Variants in MBTD1 observed in about 807,000 individuals in gnomAD.
MBTD1 encodes the protein MBT domain-containing protein 1.
MBTD1 carries 24 observed loss-of-function variants against 87.8 expected under a neutral mutation model. The ratio of observed to expected loss-of-function variants is 0.27; its 90% CI spans 0.20 to 0.38. MBTD1 has a LOEUF of 0.38. Among genes scored for constraint, MBTD1 ranks in the 10% least tolerant of loss-of-function variants. The pLI is 1.00. For missense variants in MBTD1, 436 were observed against 760.2 expected (o/e 0.57, Z 5.02); for synonymous variants, 237 against 248.6 (o/e 0.95, Z 0.44).
At chr17:51,243,307 GCTCT>G (rs769860640) in intron 2 of MBTD1, among the ~76,000 whole-genome samples, 130 of 148,798 alleles carry the variant, frequency 8.7e-4, no homozygotes, top group Non-Finnish European at 1.5e-3. Context: ...TTTTTTTTAA[GCTCT>G]CTATTTGGAA....
chr17:51,185,857 T>C (rs1464926761), intron 16 of MBTD1: 1 of 152,452 alleles, frequency 6.6e-6, no homozygotes, highest in Non-Finnish European at 1.5e-5. Flanking sequence ...TGTTTTGTCT[T>C]AGTGAAGTGA....
At chr17:51,197,327 C>A (rs1353184721) in intron 12 of MBTD1, among the ~76,000 whole-genome samples, 2 of 151,246 alleles carry the variant, frequency 1.3e-5, no homozygotes, top group Non-Finnish European at 2.9e-5. Context: ...GTCTTAAATT[C>A]CTGGCCTCAA....
intron 2 of MBTD1, among the ~76,000 whole-genome samples, chr17:51,229,257 A>G (rs1349883520): frequency 1.3e-5 from 2 of 152,172 alleles, no homozygotes; most frequent in African/African-American, 2.4e-5. Context: ...AGAATCTTTG[A>G]GATTTGGCAC....
intron 2 of MBTD1, among the ~76,000 whole-genome samples, chr17:51,248,622 G>A (rs905953161): frequency 5.9e-5 from 9 of 152,076 alleles, no homozygotes; most frequent in South Asian, 2.1e-4. Context: ...GCATAAAATC[G>A]TATGCATATT....
At chr17:51,187,459 C>G (rs1598281373) in intron 16 of MBTD1, among the ~76,000 whole-genome samples, 1 of 151,178 alleles carries the variant, frequency 6.6e-6, no homozygotes, top group South Asian at 2.1e-4. Flanking sequence ...CAAATATAAG[C>G]CTTCCAAGAC....
At chr17:51,259,636 G>A (rs962539731) in intron 1 of MBTD1, among the ~76,000 whole-genome samples, 199 bp downstream of exon 1, 3 of 148,278 alleles carry the variant, frequency 2.0e-5, no homozygotes, top group Non-Finnish European at 4.5e-5. Flanking sequence ...CGAGTCCAAG[G>A]CTGACGGGGT....
At chr17:51,247,732 G>A (rs1033866715) in intron 2 of MBTD1, among the ~76,000 whole-genome samples, 2 of 152,158 alleles carry the variant, frequency 1.3e-5, no homozygotes, top group African/African-American at 4.8e-5. Flanking sequence ...TTACAGGCGT[G>A]AGCCACTGCA....
chr17:51,242,221 CAT>C (rs747228752), intron 2 of MBTD1, among the ~76,000 whole-genome samples: 5 of 152,162 alleles, frequency 3.3e-5, no homozygotes, highest in East Asian at 3.8e-4. Context: ...ATGTATGTGA[CAT>C]ATATATACAC....
At position 51,179,500 on chromosome 17, in the gene MBTD1, A is replaced by ATATATATTTATATATATATT. The variant is rs1568135782; in HGVS notation, c.*1075_*1076insAATATATATATAAATATATA. 1 of 58,530 alleles carries ATATATATTTATATATATATT rather than the reference A, an allele frequency of 1.7e-5. No individual in the cohort carries two copies. Among genetic ancestry groups the ATATATATTTATATATATATT allele is most frequent in the Non-Finnish European group, 3.3e-5 (1 of 30,222 alleles). The allele number at this position is 58,530 out of a possible 1,614,324, so 3.6% of individuals were successfully genotyped here. A position where few individuals can be genotyped will look rare whatever the true frequency, so the allele number is the denominator to read the frequency against. On this transcript the variant is annotated 3_prime_UTR_variant, in exon 17 of 17. Transcript: ENST00000586178. The stretch of plus-strand genomic sequence containing the variant: ...AAGACAATTTTATATATATATATAT[A>ATATATATTTATATATATATT]TATATATATATATATATATATATAT...
chr17:51,225,632 T>C (rs2053171204), intron 2 of MBTD1, among the ~76,000 whole-genome samples: 1 of 151,954 alleles, frequency 6.6e-6, no homozygotes. Context: ...GCTCGGATTA[T>C]GGATGTGAGC....
intron 12 of MBTD1, among the ~76,000 whole-genome samples, chr17:51,200,481 T>C (rs149882305): frequency 1.0e-4 from 15 of 149,372 alleles, no homozygotes; most frequent in African/African-American, 2.5e-4. Flanking sequence ...AGTGGGAGAA[T>C]TGCTTGAGCT....
In MBTD1 at chr17:51,203,802, A is replaced by G; in HGVS notation, c.728T>C (p.Val243Ala). The change falls in exon 8 of 17, where the codon GTT (valine) becomes GCT (alanine). Residue 243 changes from valine (V) to alanine (A), a missense_variant. Transcript: ENST00000586178. Reference sequence around the variant, plus strand: ...AATAAACTACTTACTTCTAGGAGGAACAAGAGGTTTTCCGCTGGCTGCACA... The same window carrying G: ...AATAAACTACTTACTTCTAGGAGGAGCAAGAGGTTTTCCGCTGGCTGCACA... ...GWCAASGKPL[V>A]PPRTIQHKYT... 1 of 1,611,322 alleles carries G rather than the reference A, an allele frequency of 6.2e-7. No homozygotes were observed. The highest frequency in any genetic ancestry group is 8.5e-7 in the Non-Finnish European group (1 of 1,179,404).
At chr17:51,194,287 G>A (rs2050958468) in intron 13 of MBTD1, among the ~76,000 whole-genome samples, 2 of 152,090 alleles carry the variant, frequency 1.3e-5, no homozygotes, top group African/African-American at 4.8e-5. Context: ...AGTCCACATA[G>A]GGCTGGGTGC....
chr17:51,206,459 T>TA (rs1434500872), intron 7 of MBTD1, among the ~76,000 whole-genome samples: 1 of 152,184 alleles, frequency 6.6e-6, no homozygotes, highest in Non-Finnish European at 1.5e-5. Context: ...AAGTAACATA[T>TA]ACATTATGGC....
intron 12 of MBTD1, among the ~76,000 whole-genome samples, chr17:51,197,111 T>C (rs1240281247): frequency 1.8e-5 from 1 of 54,896 alleles, no homozygotes; most frequent in Admixed American, 2.5e-4. Flanking sequence ...TATATATATA[T>C]ATATATGGAG....
chr17:51,223,775 A>G (rs932607435), intron 3 of MBTD1, among the ~76,000 whole-genome samples: 3 of 152,180 alleles, frequency 2.0e-5, no homozygotes, highest in Admixed American at 1.3e-4. Flanking sequence ...GGTGGAGGCT[A>G]CAGTGAGCCG....
intron 7 of MBTD1, 102 bp from the exon 8 acceptor site, chr17:51,204,027 A>C: frequency 2.3e-6 from 2 of 878,688 alleles, no homozygotes; most frequent in Non-Finnish European, 3.5e-6. Context: ...TCTGCAATAC[A>C]ATCACCTGCA....
At chr17:51,260,601 G>A (rs931751834), upstream of MBTD1, 1 of 1,612,570 alleles carries the variant, frequency 6.2e-7, no homozygotes, top group Non-Finnish European at 8.5e-7. Flanking sequence ...CCGGAGCGGA[G>A]GAGACGAATG....
At position 51,259,935 on chromosome 17, in the gene MBTD1, C is replaced by G; in HGVS notation, c.-213G>C. The G allele has an allele frequency of 8.3e-7, 1 of 1,207,890 alleles. No individual in the cohort carries two copies. The highest frequency in any genetic ancestry group is 4.2e-5 in the South Asian group (1 of 23,936). The allele number at this position is 1,207,890 out of a possible 1,614,324, so 74.8% of individuals were successfully genotyped here. ...CCCGGGCTGGGGGCAGGTGCCTCTCCCCGGGACTGCGGCGACTACAGGGGG... is the reference window on the plus strand; with the variant it reads ...CCCGGGCTGGGGGCAGGTGCCTCTCGCCGGGACTGCGGCGACTACAGGGGG... On this transcript the variant is annotated 5_prime_UTR_variant, in exon 1 of 17. Transcript: ENST00000586178.
Sources: gnomAD v4.1 joint callset for allele counts (sites outside exome capture counted in the v4.1 genomes callset) on GRCh38, gnomAD v4.1.1 for gene constraint, MANE v1.5 for transcripts, NCBI Gene and HGNC (gene_info 2026-07-23, HGNC 2026-07-21) for gene names.